The following CLDN14 variants were observed in gnomAD, a reference collection of about 807,000 sequenced individuals.
CLDN14 encodes claudin 14.
A neutral mutation model predicts 2.1 loss-of-function variants in CLDN14; 2 were observed. That is an observed-to-expected ratio of 0.96 (90% CI 0.39 to 3.01). CLDN14 has a LOEUF of 3.01. Among genes scored for constraint, CLDN14 ranks in the 30% most tolerant of loss-of-function variants. The pLI, the probability that CLDN14 is intolerant of heterozygous loss-of-function variation, is 0.09. For missense variants in CLDN14, 298 were observed against 328.0 expected (o/e 0.91, Z 0.71); for synonymous variants, 136 against 154.4 (o/e 0.88, Z 0.88).
chr21:36,553,253 C>T (rs973666886), intron 1 of CLDN14, among the ~76,000 whole-genome samples: 2 of 152,176 alleles, frequency 1.3e-5, no homozygotes, highest in South Asian at 2.1e-4. Flanking sequence ...TTACCTCTGC[C>T]TTCAGTGGAC....
Position 36,461,157 on chromosome 21 carries a change from A to G in CLDN14, c.539T>C (p.Leu180Pro), listed in dbSNP as rs774446882. 6.2e-7 allele frequency: 1 copy of G among 1,613,858 alleles called. No individual in the cohort carries two copies. The highest frequency in any genetic ancestry group is 8.5e-7 in the Non-Finnish European group (1 of 1,179,728). ...CTCGTCCTGGCAGGACAGGCAAAGC[A>G]GGGTGCCACCAATGAGCGAGAGGGA... ...SSSLSLIGGT[L>P]LCLSCQDEAP... The change falls in exon 2 of 2, where the codon CTG (leucine) becomes CCG (proline). Residue 180 changes from leucine to proline, a missense_variant. Coordinates refer to ENST00000399135, the MANE Select transcript of CLDN14 (RefSeq NM_001146079.2).
chr21:36,481,169 A>G (rs2086841737), upstream of CLDN14: 1 of 152,216 alleles, frequency 6.6e-6, no homozygotes, highest in African/African-American at 2.4e-5. Flanking sequence ...CTATTTCACT[A>G]TCTATGCCAG....
chr21:36,569,559 A>G (rs2087694549), intron 1 of CLDN14, among the ~76,000 whole-genome samples: 1 of 152,278 alleles, frequency 6.6e-6, no homozygotes, highest in African/African-American at 2.4e-5. Context: ...TTATCAAATT[A>G]GAAAACCACC....
At chr21:36,489,819 C>G (rs2086943108) in intron 2 of CLDN14, among the ~76,000 whole-genome samples, 1 of 152,210 alleles carries the variant, frequency 6.6e-6, no homozygotes, top group Non-Finnish European at 1.5e-5. Context: ...ATAAGAAGAT[C>G]CGGGCCTCAC....
intron 1 of CLDN14, among the ~76,000 whole-genome samples, chr21:36,562,659 T>A (rs899407418): frequency 6.6e-6 from 1 of 151,848 alleles, no homozygotes; most frequent in Admixed American, 6.6e-5. Flanking sequence ...TTCACCCTTA[T>A]CTTTAAAATA....
At chr21:36,521,887 C>T (rs536752392) in intron 1 of CLDN14, among the ~76,000 whole-genome samples, 50 of 152,198 alleles carry the variant, frequency 3.3e-4, no homozygotes, top group African/African-American at 1.2e-3. Context: ...TCACGATTCC[C>T]CAAATGAAAA....
chr21:36,522,253 G>A (rs1019964184), intron 1 of CLDN14, among the ~76,000 whole-genome samples: 1 of 152,156 alleles, frequency 6.6e-6, no homozygotes, highest in African/African-American at 2.4e-5. Context: ...CCCACTTCAT[G>A]TGAAAATGCA....
chr21:36,492,027 AC>A (rs1292195139), intron 2 of CLDN14, among the ~76,000 whole-genome samples: 1 of 152,128 alleles, frequency 6.6e-6, no homozygotes, highest in African/African-American at 2.4e-5. Context: ...TATGTGGCTG[AC>A]TGCGGTGGCT....
chr21:36,564,081 C>T (rs768296366), intron 1 of CLDN14, among the ~76,000 whole-genome samples: 2 of 152,176 alleles, frequency 1.3e-5, no homozygotes, highest in Non-Finnish European at 2.9e-5. Context: ...CTGAGAAATG[C>T]CGAAGATGAG....
chr21:36,470,709 C>G (rs1227547854), intron 1 of CLDN14, among the ~76,000 whole-genome samples: 3 of 152,220 alleles, frequency 2.0e-5, no homozygotes, highest in African/African-American at 7.2e-5. Flanking sequence ...CCCCATGGCA[C>G]AGGCCTATAA....
At chr21:36,561,774 T>C (rs550190835) in intron 1 of CLDN14, among the ~76,000 whole-genome samples, 131 of 152,280 alleles carry the variant, frequency 8.6e-4, no homozygotes, top group African/African-American at 3.0e-3. Context: ...CATGGCTGAC[T>C]CCTCCTTCTG....
In CLDN14 at chr21:36,486,214, G is replaced by T. The variant is rs778035846; in HGVS notation, c.-82+24149C>A. The T allele has an allele frequency of 4.4e-6, 4 of 918,344 alleles. No homozygotes were observed. The South Asian group carries it at 5.2e-5, about 12-fold the overall frequency. The allele number at this position is 918,344 out of a possible 1,614,324, so 56.9% of individuals were successfully genotyped here. A position where few individuals can be genotyped will look rare whatever the true frequency, so the allele number is the denominator to read the frequency against. On this transcript the variant is annotated intron_variant, in intron 2 of 2. Coordinates refer to the CLDN14 transcript ENST00000342108. ...CATCAATGTCTACTGATTCCGCCTG[G>T]CCAAACTCTGCTCCTGCAGGGACAT...
chr21:36,566,267 G>T (rs2087672294), intron 1 of CLDN14, among the ~76,000 whole-genome samples: 1 of 152,192 alleles, frequency 6.6e-6, no homozygotes, highest in Non-Finnish European at 1.5e-5. Context: ...TTATAGGATT[G>T]TTAGAAAGAT....
At chr21:36,474,860 G>A (rs556658032) in intron 1 of CLDN14, among the ~76,000 whole-genome samples, 2 of 152,322 alleles carry the variant, frequency 1.3e-5, no homozygotes, top group South Asian at 2.1e-4. Context: ...ACTCCAGAAC[G>A]GGAGGGGAGG....
intron 1 of CLDN14, among the ~76,000 whole-genome samples, chr21:36,469,405 T>G (rs1171780269): frequency 6.6e-6 from 1 of 152,164 alleles, no homozygotes; most frequent in Non-Finnish European, 1.5e-5. Context: ...GCATAGAGTC[T>G]TTGATGCACT....
chr21:36,543,671 G>A (rs2087507831), intron 1 of CLDN14, among the ~76,000 whole-genome samples: 1 of 152,178 alleles, frequency 6.6e-6, no homozygotes, highest in Non-Finnish European at 1.5e-5. Context: ...GTACAATTGA[G>A]GCAATGGGTC....
chr21:36,546,711 AC>A (rs1472969213), intron 1 of CLDN14, among the ~76,000 whole-genome samples: 1 of 152,204 alleles, frequency 6.6e-6, no homozygotes, highest in Non-Finnish European at 1.5e-5. Flanking sequence ...TGTATCCATC[AC>A]CAAACTTCAA....
intron 1 of CLDN14, chr21:36,477,452 C>T (rs181028658): frequency 3.9e-5 from 6 of 152,350 alleles, no homozygotes; most frequent in African/African-American, 9.6e-5. Context: ...TCTTGCTGGT[C>T]TCCAGTGCCC....
intron 2 of CLDN14, among the ~76,000 whole-genome samples, chr21:36,502,578 T>G (rs548514510): frequency 6.6e-6 from 1 of 152,364 alleles, no homozygotes; most frequent in East Asian, 1.9e-4. Flanking sequence ...GTTTTACACT[T>G]CATCAGCATT....
Sources: gnomAD v4.1 joint callset for allele counts (sites outside exome capture counted in the v4.1 genomes callset) on GRCh38, gnomAD v4.1.1 for gene constraint, MANE v1.5 for transcripts, NCBI Gene and HGNC (gene_info 2026-07-23, HGNC 2026-07-21) for gene names.